Variants in NRG1 observed in about 807,000 individuals in gnomAD.
NRG1 encodes pro-neuregulin-1, membrane-bound isoform.
A neutral mutation model predicts 63.8 loss-of-function variants in NRG1; 18 were observed. The observed-to-expected ratio is 0.28, with a 90% CI of 0.19 to 0.42. The LOEUF (loss-of-function observed/expected upper bound fraction) is 0.42, where lower values mean the gene tolerates loss of function less well. NRG1 is among the 10% of genes least tolerant of loss of function. The pLI, the probability that NRG1 is intolerant of heterozygous loss-of-function variation, is 1.00. For missense variants in NRG1, 762 were observed against 814.7 expected (o/e 0.94, Z 0.79); for synonymous variants, 302 against 301.3 (o/e 1.00, Z -0.02).
intron 1 of NRG1, among the ~76,000 whole-genome samples, chr8:32,129,818 CATTA>C (rs1222692958): frequency 6.6e-6 from 1 of 151,882 alleles, no homozygotes; most frequent in African/African-American, 2.4e-5. Flanking sequence ...TGTACACATG[CATTA>C]ATTATGTTGT....
chr8:32,518,059 A>G (rs918517569), intron 1 of NRG1, among the ~76,000 whole-genome samples: 1 of 152,102 alleles, frequency 6.6e-6, no homozygotes, highest in Non-Finnish European at 1.5e-5. Flanking sequence ...AAAAAAATAG[A>G]ACCACCACCA....
intron 1 of NRG1, among the ~76,000 whole-genome samples, chr8:32,503,834 G>A (rs1444263260): frequency 6.6e-6 from 1 of 152,104 alleles, no homozygotes; most frequent in African/African-American, 2.4e-5. Context: ...GGCCAAGCAG[G>A]CGACTTGAGA....
At chr8:31,904,688 A>G (rs1468754933) in intron 1 of NRG1, among the ~76,000 whole-genome samples, 1 of 152,226 alleles carries the variant, frequency 6.6e-6, no homozygotes, top group Admixed American at 6.5e-5. Flanking sequence ...ATCAAATACT[A>G]TGCAGTCATT....
chr8:32,450,275 G>A (rs1820792129), intron 1 of NRG1, among the ~76,000 whole-genome samples: 1 of 152,124 alleles, frequency 6.6e-6, no homozygotes, highest in Admixed American at 6.5e-5. Context: ...TGAAGTAGCA[G>A]CACCTATAGT....
chr8:32,619,963 G>A (rs952496214), intron 5 of NRG1, among the ~76,000 whole-genome samples: 1 of 152,112 alleles, frequency 6.6e-6, no homozygotes. Context: ...TTACAATAAT[G>A]AAAATAGCAT....
intron 1 of NRG1, among the ~76,000 whole-genome samples, chr8:31,656,610 C>G (rs1175209007): frequency 2.0e-5 from 3 of 152,006 alleles, no homozygotes; most frequent in African/African-American, 7.3e-5. Context: ...ATTTGAGAGA[C>G]CCAATGGATA....
intron 5 of NRG1, among the ~76,000 whole-genome samples, chr8:32,649,358 GGGA>G (rs1293583503): frequency 3.9e-5 from 6 of 152,034 alleles, no homozygotes; most frequent in African/African-American, 1.4e-4. Context: ...CAATATAGAA[GGGA>G]GGAGTTTTCT....
intron 1 of NRG1, among the ~76,000 whole-genome samples, chr8:32,012,456 A>T (rs530601368): frequency 2.0e-5 from 3 of 152,146 alleles, no homozygotes; most frequent in Non-Finnish European, 4.4e-5. Context: ...TAAAAATATC[A>T]GGAGAGGATA....
At chr8:32,054,072 A>G (rs1006093789) in intron 1 of NRG1, among the ~76,000 whole-genome samples, 1 of 152,224 alleles carries the variant, frequency 6.6e-6, no homozygotes, top group South Asian at 2.1e-4. Context: ...CTGCAGTTAC[A>G]ATTGAAGATG....
chr8:31,734,647 T>TA (rs1814468639), intron 1 of NRG1, among the ~76,000 whole-genome samples: 1 of 152,190 alleles, frequency 6.6e-6, no homozygotes. Context: ...CTGCTAAAAA[T>TA]AAGGATTACG....
intron 1 of NRG1, among the ~76,000 whole-genome samples, chr8:31,852,998 G>A (rs1376156846): frequency 6.6e-6 from 1 of 151,414 alleles, no homozygotes; most frequent in African/African-American, 2.4e-5. Context: ...GTACCATGCT[G>A]TTTTGGTTAC....
intron 1 of NRG1, among the ~76,000 whole-genome samples, chr8:32,430,052 T>A (rs759553329): frequency 7.2e-5 from 11 of 152,278 alleles, no homozygotes; most frequent in Non-Finnish European, 1.0e-4. Flanking sequence ...CTTAGTAACA[T>A]CCTGTTCTTG....
chr8:31,987,642 C>T (rs1195716398), intron 1 of NRG1, among the ~76,000 whole-genome samples: 2 of 151,910 alleles, frequency 1.3e-5, no homozygotes, highest in Non-Finnish European at 2.9e-5. Context: ...CTATCCGGTA[C>T]TATGCTCTCT....
At chr8:31,921,389 C>G (rs1321574843) in intron 1 of NRG1, among the ~76,000 whole-genome samples, 1 of 152,078 alleles carries the variant, frequency 6.6e-6, no homozygotes, top group Non-Finnish European at 1.5e-5. Flanking sequence ...CAAGGAGGTT[C>G]TTTTTCGTAA....
At chr8:31,952,228 A>G (rs1255356790) in intron 1 of NRG1, among the ~76,000 whole-genome samples, 1 of 152,232 alleles carries the variant, frequency 6.6e-6, no homozygotes. Flanking sequence ...ACCAAGTATC[A>G]TGACTGGAAC....
At chr8:31,767,669 G>A (rs141398868) in intron 1 of NRG1, among the ~76,000 whole-genome samples, 4 of 151,868 alleles carry the variant, frequency 2.6e-5, no homozygotes, top group African/African-American at 9.7e-5. Context: ...CGGAAACCCC[G>A]TCTCTACTAA....
intron 1 of NRG1, among the ~76,000 whole-genome samples, chr8:32,237,061 G>A (rs1000702117): frequency 1.3e-5 from 2 of 152,164 alleles, no homozygotes; most frequent in African/African-American, 2.4e-5. Flanking sequence ...TTCAGGGATC[G>A]CCTCCTTAAA....
intron 1 of NRG1, among the ~76,000 whole-genome samples, chr8:32,366,677 GTATATATA>G (rs71208175): frequency 0.012 from 1,024 of 87,456 alleles, 24 homozygotes; most frequent in African/African-American, 0.041. Context: ...GTGTGTGTGT[GTATATATA>G]TATATATATA....
chr8:31,672,051 G>A (rs967580016), intron 1 of NRG1, among the ~76,000 whole-genome samples: 22 of 152,100 alleles, frequency 1.4e-4, no homozygotes, highest in African/African-American at 5.3e-4. Flanking sequence ...TAAATTTCCT[G>A]TCTATTTGGA....
Sources: allele counts gnomAD v4.1 joint callset (sites outside exome capture counted in the v4.1 genomes callset), GRCh38; gene constraint gnomAD v4.1.1; transcripts MANE v1.5; gene names NCBI Gene and HGNC (gene_info 2026-07-23, HGNC 2026-07-21).